Variants in SYT13 observed in about 807,000 individuals in gnomAD.
SYT13 encodes synaptotagmin-13.
SYT13 carries 21 observed loss-of-function variants against 38.6 expected under a neutral mutation model. That is an observed-to-expected ratio of 0.54 (90% CI 0.39 to 0.78). The LOEUF is 0.78. Among genes scored for constraint, SYT13 ranks in the 30% least tolerant of loss-of-function variants. The pLI is 0.00. For synonymous variants in SYT13, 241 were observed against 237.6 expected, an observed-to-expected ratio of 1.01 and a Z score of -0.13; for missense variants, 495 against 548.7, an observed-to-expected ratio of 0.90 and a Z score of 0.98.
At chr11:45,282,087 G>A (rs974624182) in intron 1 of SYT13, among the ~76,000 whole-genome samples, 7 of 152,276 alleles carry the variant, frequency 4.6e-5, no homozygotes, top group Non-Finnish European at 7.4e-5. Flanking sequence ...TCTGGCCGCC[G>A]CTCACTAATA....
intron 1 of SYT13, among the ~76,000 whole-genome samples, chr11:45,265,454 A>C (rs771758592): frequency 5.3e-5 from 8 of 152,180 alleles, no homozygotes; most frequent in Non-Finnish European, 7.4e-5. Flanking sequence ...CCCCTATCTC[A>C]GTTTGGATAG....
At chr11:45,256,144 C>T (rs957845602) in intron 1 of SYT13, among the ~76,000 whole-genome samples, 9 of 152,276 alleles carry the variant, frequency 5.9e-5, no homozygotes, top group South Asian at 2.1e-4. Context: ...CCTATGGCTG[C>T]GCCCATGGAT....
At chr11:45,249,397 T>C (rs948623937) in intron 4 of SYT13, among the ~76,000 whole-genome samples, 3 of 152,260 alleles carry the variant, frequency 2.0e-5, no homozygotes, top group Admixed American at 6.5e-5. Context: ...ATCCCATTAC[T>C]GGGTATATAC....
intron 1 of SYT13, among the ~76,000 whole-genome samples, chr11:45,264,871 G>C (rs1168749797): frequency 1.3e-5 from 2 of 152,220 alleles, no homozygotes; most frequent in Non-Finnish European, 2.9e-5. Context: ...TGAGACATTT[G>C]GGATGGTCAC....
intron 1 of SYT13, among the ~76,000 whole-genome samples, chr11:45,283,512 G>A (rs1159827414): frequency 6.6e-6 from 1 of 152,230 alleles, no homozygotes; most frequent in East Asian, 1.9e-4. Flanking sequence ...GCTTTGAAAT[G>A]TCAATTGGTT....
intron 1 of SYT13, among the ~76,000 whole-genome samples, chr11:45,273,467 G>A (rs1009170038): frequency 1.3e-5 from 2 of 152,052 alleles, no homozygotes; most frequent in East Asian, 1.9e-4. Flanking sequence ...AGGGTGTGGA[G>A]GGGGAGAAAA....
rs1480127950 is a variant in SYT13 at position 45,243,274 on chromosome 11, A to G, written c.*778T>C. ...AGGGGGCTTATGAAATGCACAAATT[A>G]AAGTATTAAGAATTAAAATAATTAA... On this transcript the variant is annotated 3_prime_UTR_variant, in exon 6 of 6. Coordinates refer to ENST00000020926, the MANE Select transcript of SYT13 (RefSeq NM_020826.3). The G allele has an allele frequency of 6.6e-6, 1 of 152,240 alleles. No individual in the cohort carries two copies. The highest frequency in any genetic ancestry group is 1.5e-5 in the Non-Finnish European group (1 of 68,040). 9.4% of individuals were successfully genotyped at this position (152,240 alleles called of 1,614,324 possible). A position where few individuals can be genotyped will look rare whatever the true frequency, so the allele number is the denominator to read the frequency against.
At chr11:45,283,744 G>A (rs1271558512) in intron 1 of SYT13, among the ~76,000 whole-genome samples, 1 of 152,220 alleles carries the variant, frequency 6.6e-6, no homozygotes, top group African/African-American at 2.4e-5. Flanking sequence ...CTTGCACATG[G>A]TTACAAAGAC....
intron 1 of SYT13, among the ~76,000 whole-genome samples, chr11:45,284,723 G>A (rs957897558): frequency 6.6e-6 from 1 of 152,190 alleles, no homozygotes; most frequent in African/African-American, 2.4e-5. Context: ...GTGTTGGGCA[G>A]GAAAGAAGGT....
chr11:45,241,442 TG>T lies in SYT13; in HGVS notation c.*2609del, dbSNP rs1158986110. Reference sequence around the variant, plus strand: ...ATCTAAGATGTTCTGTGGCGGAACCTGGCCCCCATCAGGGGCAACCTTTAAT... The same window carrying T: ...ATCTAAGATGTTCTGTGGCGGAACCTGCCCCCATCAGGGGCAACCTTTAAT... On this transcript the variant is annotated 3_prime_UTR_variant, in exon 6 of 6. Coordinates refer to ENST00000020926, the MANE Select transcript of SYT13 (RefSeq NM_020826.3). The T allele has an allele frequency of 1.3e-5, 2 of 152,046 alleles. No individual in the cohort carries two copies. Among genetic ancestry groups the T allele is most frequent in the Admixed American group, 6.6e-5 (1 of 15,266 alleles). 9.4% of individuals were successfully genotyped at this position (152,046 alleles called of 1,614,324 possible).
At chr11:45,265,896 G>A (rs1303435106) in intron 1 of SYT13, among the ~76,000 whole-genome samples, 2 of 152,136 alleles carry the variant, frequency 1.3e-5, no homozygotes, top group Non-Finnish European at 2.9e-5. Flanking sequence ...ACTCATCAGT[G>A]GTAATAGACA....
chr11:45,266,112 T>G (rs2135901323), intron 1 of SYT13, among the ~76,000 whole-genome samples: 1 of 152,322 alleles, frequency 6.6e-6, no homozygotes, highest in East Asian at 1.9e-4. Flanking sequence ...AGTAACATGC[T>G]GAATTGGGCT....
At chr11:45,272,855 G>C (rs1011529073) in intron 1 of SYT13, among the ~76,000 whole-genome samples, 3 of 152,212 alleles carry the variant, frequency 2.0e-5, no homozygotes, top group Admixed American at 6.5e-5. Context: ...GCTAGATGCT[G>C]AATCAAATGG....
chr11:45,267,091 T>C (rs973466908), intron 1 of SYT13, among the ~76,000 whole-genome samples: 1 of 152,162 alleles, frequency 6.6e-6, no homozygotes, highest in Non-Finnish European at 1.5e-5. Flanking sequence ...GAAGTACAAA[T>C]ATTGTCAACT....
intron 1 of SYT13, chr11:45,258,467 C>T (rs1854775351): frequency 6.6e-6 from 1 of 152,162 alleles, no homozygotes; most frequent in South Asian, 2.1e-4. Context: ...GCAGGCTATC[C>T]CACTCCACAT....
At chr11:45,277,308 T>C (rs759769070) in intron 1 of SYT13, among the ~76,000 whole-genome samples, 10 of 152,224 alleles carry the variant, frequency 6.6e-5, no homozygotes, top group Non-Finnish European at 1.5e-4. Context: ...GTGGAGGTAG[T>C]GGCTGCACAA....
chr11:45,249,566 C>T (rs113586212), intron 4 of SYT13, among the ~76,000 whole-genome samples: 3,457 of 152,184 alleles, frequency 0.023, 54 homozygotes, highest in Non-Finnish European at 0.037. Flanking sequence ...TACTATGCAG[C>T]CATAAAAAAG....
intron 1 of SYT13, among the ~76,000 whole-genome samples, chr11:45,264,081 C>T (rs1290636601): frequency 1.3e-5 from 2 of 152,014 alleles, no homozygotes; most frequent in African/African-American, 4.8e-5. Context: ...GTTGTTGTTA[C>T]TTTTTTACTC....
At position 45,243,251 on chromosome 11, in the gene SYT13, G is replaced by C. The variant is rs1470545574; in HGVS notation, c.*801C>G. 6.6e-6 allele frequency: 1 copy of C among 152,078 alleles called. No individual in the cohort carries two copies. Among genetic ancestry groups the C allele is most frequent in the Non-Finnish European group, 1.5e-5 (1 of 68,030 alleles). 9.4% of individuals were successfully genotyped at this position (152,078 alleles called of 1,614,324 possible). A position where few individuals can be genotyped will look rare whatever the true frequency, so the allele number is the denominator to read the frequency against. On this transcript the variant is annotated 3_prime_UTR_variant, in exon 6 of 6. Coordinates refer to ENST00000020926, the MANE Select transcript of SYT13 (RefSeq NM_020826.3). Reference sequence around the variant, plus strand: ...AGCACAAAATTCAGTCCAAGAGCAGGGGGCTTATGAAATGCACAAATTAAA... The same window carrying C: ...AGCACAAAATTCAGTCCAAGAGCAGCGGGCTTATGAAATGCACAAATTAAA...
Sources: allele counts gnomAD v4.1 joint callset (sites outside exome capture counted in the v4.1 genomes callset), GRCh38; gene constraint gnomAD v4.1.1; transcripts MANE v1.5; gene names NCBI Gene and HGNC (gene_info 2026-07-23, HGNC 2026-07-21).